Variants in ARIH1 observed in about 807,000 individuals in gnomAD.
ARIH1 encodes the protein E3 ubiquitin-protein ligase ARIH1.
ARIH1 carries 8 observed loss-of-function variants against 85.0 expected under a neutral mutation model. The ratio of observed to expected loss-of-function variants is 0.09; its 90% CI spans 0.06 to 0.17. The LOEUF (loss-of-function observed/expected upper bound fraction) is 0.17. ARIH1 is among the 10% of genes least tolerant of loss of function. ARIH1 has a pLI of 1.00. For synonymous variants in ARIH1, 238 were observed against 253.6 expected (o/e 0.94, Z 0.59); for missense variants, 311 against 718.1 (o/e 0.43, Z 6.48).
intron 1 of ARIH1, among the ~76,000 whole-genome samples, chr15:72,510,652 A>G (rs2063946129): frequency 7.4e-6 from 1 of 134,722 alleles, no homozygotes; most frequent in Non-Finnish European, 1.6e-5. Flanking sequence ...CAGCAGAATG[A>G]TGTGAATCCG....
At chr15:72,576,240 T>A (rs1435575727) in intron 11 of ARIH1, among the ~76,000 whole-genome samples, 1 of 152,054 alleles carries the variant, frequency 6.6e-6, no homozygotes, top group Non-Finnish European at 1.5e-5. Context: ...GCGCGGTGGC[T>A]CATGCCTGTA....
intron 1 of ARIH1, among the ~76,000 whole-genome samples, chr15:72,504,510 G>A (rs2140403276): frequency 6.6e-6 from 1 of 152,188 alleles, no homozygotes; most frequent in East Asian, 1.9e-4. Context: ...AGCTAGAGAA[G>A]AGACAGGTTG....
chr15:72,480,567 T>TTTG (rs369327296), intron 1 of ARIH1, among the ~76,000 whole-genome samples: 3 of 151,530 alleles, frequency 2.0e-5, no homozygotes, highest in Non-Finnish European at 2.9e-5. Context: ...AGCCACACTT[T>TTTG]TTGTTGTTGT....
chr15:72,571,975 TC>T (rs1177941894), intron 10 of ARIH1, 132 bp from the exon 11 acceptor site: 7 of 638,672 alleles, frequency 1.1e-5, no homozygotes, highest in Non-Finnish European at 1.9e-5. Context: ...TGTTTTAACA[TC>T]TCAATTTCTC....
intron 11 of ARIH1, among the ~76,000 whole-genome samples, chr15:72,574,324 T>C (rs1252219873): frequency 2.0e-5 from 3 of 152,196 alleles, no homozygotes; most frequent in African/African-American, 4.8e-5. Flanking sequence ...TATCACTCCA[T>C]TGGTTGTTTG....
At chr15:72,486,839 A>G (rs2063839604) in intron 1 of ARIH1, among the ~76,000 whole-genome samples, 1 of 151,240 alleles carries the variant, frequency 6.6e-6, no homozygotes, top group Non-Finnish European at 1.5e-5. Flanking sequence ...GATTACAGGC[A>G]TGCATCACCA....
At chr15:72,485,249 A>G (rs959591924) in intron 1 of ARIH1, among the ~76,000 whole-genome samples, 18 of 152,340 alleles carry the variant, frequency 1.2e-4, no homozygotes, top group African/African-American at 3.8e-4. Flanking sequence ...GGGTAATGAC[A>G]TTGATGTGAT....
Position 72,593,232 on chromosome 15 carries a change from A to G in ARIH1, c.*9940A>G, listed in dbSNP as rs1404544500. On this transcript the variant is annotated 3_prime_UTR_variant, in exon 14 of 14. Transcript: ENST00000379887. ...AGAAGTGTCTTTCATGTCTTTTCTCATTTTAAAGTTGGGTGTCTTTTTATT... is the reference window on the plus strand; with the variant it reads ...AGAAGTGTCTTTCATGTCTTTTCTCGTTTTAAAGTTGGGTGTCTTTTTATT... The G allele has an allele frequency of 6.6e-6, 1 of 151,884 alleles. No individual in the cohort carries two copies. Among genetic ancestry groups the G allele is most frequent in the Non-Finnish European group, 1.5e-5 (1 of 67,940 alleles). 9.4% of individuals were successfully genotyped at this position (151,884 alleles called of 1,614,324 possible). A position where few individuals can be genotyped will look rare whatever the true frequency, so the allele number is the denominator to read the frequency against.
At chr15:72,578,819 T>TG (rs879693799) in intron 11 of ARIH1, among the ~76,000 whole-genome samples, 2 of 149,074 alleles carry the variant, frequency 1.3e-5, no homozygotes, top group Admixed American at 1.3e-4. Context: ...TTTTGGTGTT[T>TG]TGTTTTTTTT....
At chr15:72,568,808 T>C (rs1378887364) in intron 9 of ARIH1, among the ~76,000 whole-genome samples, 1 of 152,206 alleles carries the variant, frequency 6.6e-6, no homozygotes, top group Non-Finnish European at 1.5e-5. Flanking sequence ...ATTTGAAATA[T>C]ATAATTAAAA....
intron 1 of ARIH1, among the ~76,000 whole-genome samples, chr15:72,482,841 T>TC (rs1298385388): frequency 1.4e-5 from 2 of 141,352 alleles, no homozygotes; most frequent in East Asian, 2.0e-4. Context: ...CTCTCTCTCT[T>TC]TTTTTTTTTT....
intron 5 of ARIH1, among the ~76,000 whole-genome samples, chr15:72,556,906 T>A (rs1043495710): frequency 6.6e-6 from 1 of 152,232 alleles, no homozygotes; most frequent in Non-Finnish European, 1.5e-5. Flanking sequence ...TCACTTTTTT[T>A]TATGACTGCA....
intron 1 of ARIH1, 131 bp from the exon 2 acceptor site, chr15:72,517,936 A>C (rs988238529): frequency 1.6e-6 from 1 of 611,806 alleles, no homozygotes; most frequent in African/African-American, 1.9e-5. Flanking sequence ...TCCTTAGAGG[A>C]ATAAAGAAAT....
chr15:72,563,738 T>C (rs915906574), intron 7 of ARIH1, among the ~76,000 whole-genome samples: 7 of 152,188 alleles, frequency 4.6e-5, no homozygotes, highest in African/African-American at 9.6e-5. Context: ...GGAGAAAATA[T>C]ACAACTCTAA....
chr15:72,502,406 A>C (rs1451342499), intron 1 of ARIH1, among the ~76,000 whole-genome samples: 2 of 152,248 alleles, frequency 1.3e-5, no homozygotes, highest in Admixed American at 6.5e-5. Flanking sequence ...TTACATATTT[A>C]AATCAAATGC....
chr15:72,496,903 AACACACATACTT>A, intron 1 of ARIH1: 1 of 958,802 alleles, frequency 1.0e-6, no homozygotes, highest in Non-Finnish European at 1.2e-6. Context: ...AAGACCATTA[AACACACATACTT>A]ACACACAGAC....
At chr15:72,579,103 T>TA (rs1202747965) in intron 11 of ARIH1, among the ~76,000 whole-genome samples, 1 of 152,146 alleles carries the variant, frequency 6.6e-6, no homozygotes, top group African/African-American at 2.4e-5. Flanking sequence ...TTTTCTTTTA[T>TA]AGTTGGTTCA....
chr15:72,510,973 T>G (rs2063948361), intron 1 of ARIH1, among the ~76,000 whole-genome samples: 1 of 151,622 alleles, frequency 6.6e-6, no homozygotes, highest in Non-Finnish European at 1.5e-5. Flanking sequence ...TCCTTGGTAT[T>G]CCATATAAAA....
intron 1 of ARIH1, among the ~76,000 whole-genome samples, chr15:72,507,716 T>C (rs2140405107): frequency 6.6e-6 from 1 of 152,310 alleles, no homozygotes; most frequent in South Asian, 2.1e-4. Flanking sequence ...GCTTATGTGC[T>C]ACTAAAATTG....
Sources: gnomAD v4.1 joint callset for allele counts (sites outside exome capture counted in the v4.1 genomes callset) on GRCh38, gnomAD v4.1.1 for gene constraint, MANE v1.5 for transcripts, NCBI Gene and HGNC (gene_info 2026-07-23, HGNC 2026-07-21) for gene names.